Variants in RHOU observed in about 807,000 individuals in gnomAD.
The protein encoded by RHOU is rho-related GTP-binding protein RhoU.
In RHOU, 8 loss-of-function variants were observed where a neutral mutation model predicts 12.6. The observed-to-expected ratio is 0.64, with a 90% CI of 0.37 to 1.15. RHOU has a LOEUF of 1.15. Among genes scored for constraint, RHOU ranks in the 50% most tolerant of loss-of-function variants. The pLI is 0.01. For missense variants in RHOU, 258 were observed against 347.0 expected (o/e 0.74, Z 2.04); for synonymous variants, 161 against 147.4 (o/e 1.09, Z -0.67).
At chr1:228,702,782 G>A in the RHOU span, among the ~76,000 whole-genome samples, 12 of 152,124 alleles carry the variant, frequency 7.9e-5, no homozygotes, top group Admixed American at 2.6e-4. Context: ...TCACCAAATA[G>A]TATCACATAC....
the RHOU span, among the ~76,000 whole-genome samples, chr1:228,703,481 G>A: frequency 5.9e-5 from 9 of 151,588 alleles, no homozygotes; most frequent in Non-Finnish European, 8.8e-5. Flanking sequence ...AGCTGAGATC[G>A]CGCCACTGCA....
At chr1:228,731,836 G>A (rs1038395790), upstream of RHOU, among the ~76,000 whole-genome samples, 5 of 152,112 alleles carry the variant, frequency 3.3e-5, no homozygotes, top group Non-Finnish European at 7.3e-5. Flanking sequence ...AGAGAGACAA[G>A]ATCTTAAGAA....
chr1:228,736,122 C>T, intron 1 of RHOU, 118 bp downstream of exon 1: 2 of 1,036,966 alleles, frequency 1.9e-6, no homozygotes, highest in Non-Finnish European at 1.3e-6. Flanking sequence ...GGCGCGGCTC[C>T]AGCTGGGAAG....
chr1:228,652,982 G>A, the RHOU span, among the ~76,000 whole-genome samples: 134 of 152,094 alleles, frequency 8.8e-4, no homozygotes, highest in Non-Finnish European at 1.5e-3. Context: ...TATTTTTAAT[G>A]GAAATGTAAT....
chr1:228,702,143 C>T, the RHOU span, among the ~76,000 whole-genome samples: 1 of 151,978 alleles, frequency 6.6e-6, no homozygotes, highest in South Asian at 2.1e-4. Flanking sequence ...TTTTAACATA[C>T]TTGTAAAAAA....
the RHOU span, among the ~76,000 whole-genome samples, chr1:228,707,132 A>ATATATATATATATATG: frequency 8.3e-6 from 1 of 120,394 alleles, no homozygotes; most frequent in Non-Finnish European, 1.6e-5. Context: ...ATATACATAT[A>ATATATATATATATATG]TATATATATA....
At chr1:228,742,632 A>G (rs4391637) in intron 2 of RHOU, among the ~76,000 whole-genome samples, 1 of 151,756 alleles carries the variant, frequency 6.6e-6, no homozygotes, top group Admixed American at 6.6e-5. Flanking sequence ...CTGAGCTGCA[A>G]AAGTTTTCTG....
the RHOU span, among the ~76,000 whole-genome samples, chr1:228,707,124 A>ATATATATATATATATG: frequency 2.5e-5 from 2 of 78,590 alleles, no homozygotes; most frequent in African/African-American, 3.2e-4. Flanking sequence ...ATATATATAT[A>ATATATATATATATATG]TACATATATA....
chr1:228,687,489 A>G, the RHOU span: 1 of 1,580,426 alleles, frequency 6.3e-7, no homozygotes, highest in Non-Finnish European at 8.6e-7. Flanking sequence ...GAAACTGATG[A>G]AGCTGCAGAA....
At chr1:228,711,552 A>C in the RHOU span, among the ~76,000 whole-genome samples, 14 of 152,260 alleles carry the variant, frequency 9.2e-5, no homozygotes, top group African/African-American at 3.1e-4. Context: ...AAAACAAGCA[A>C]TGGGGAAAGG....
At chr1:228,714,740 C>CTTTTTTTTTTTTT in the RHOU span, among the ~76,000 whole-genome samples, 2 of 83,686 alleles carry the variant, frequency 2.4e-5, no homozygotes, top group Non-Finnish European at 4.4e-5. Context: ...TGTTAATTAT[C>CTTTTTTTTTTTTT]TTTTTTTTTT....
chr1:228,679,742 G>A, the RHOU span, among the ~76,000 whole-genome samples: 2 of 152,034 alleles, frequency 1.3e-5, no homozygotes, highest in African/African-American at 4.8e-5. Flanking sequence ...ATCGGGGTAA[G>A]GGTGATTAGG....
At chr1:228,664,947 C>T in the RHOU span, among the ~76,000 whole-genome samples, 1 of 152,114 alleles carries the variant, frequency 6.6e-6, no homozygotes, top group East Asian at 1.9e-4. Flanking sequence ...CCACCGTGCC[C>T]GGCTTGCCAA....
At chr1:228,692,906 G>A in the RHOU span, among the ~76,000 whole-genome samples, 1 of 151,912 alleles carries the variant, frequency 6.6e-6, no homozygotes, top group Non-Finnish European at 1.5e-5. Flanking sequence ...AAACTATCAA[G>A]CTCCCCAATA....
chr1:228,726,251 T>C, the RHOU span, among the ~76,000 whole-genome samples: 2 of 152,208 alleles, frequency 1.3e-5, no homozygotes, highest in Non-Finnish European at 2.9e-5. Flanking sequence ...GCTACTGTTG[T>C]TCTGTCCAGT....
chr1:228,687,178 G>A, the RHOU span, among the ~76,000 whole-genome samples: 10 of 152,114 alleles, frequency 6.6e-5, no homozygotes, highest in African/African-American at 1.4e-4. Context: ...TCACTGGCCC[G>A]CTCCACTGAC....
chr1:228,667,452 G>A, the RHOU span, among the ~76,000 whole-genome samples: 4 of 152,168 alleles, frequency 2.6e-5, no homozygotes, highest in East Asian at 7.7e-4. Context: ...AGGTGCAGAG[G>A]CATTGAATCT....
At chr1:228,725,928 A>T in the RHOU span, among the ~76,000 whole-genome samples, 1 of 152,202 alleles carries the variant, frequency 6.6e-6, no homozygotes, top group Non-Finnish European at 1.5e-5. Flanking sequence ...TGATCTTTCA[A>T]TGGAGTATGA....
At chr1:228,664,108 T>C in the RHOU span, among the ~76,000 whole-genome samples, 5 of 150,498 alleles carry the variant, frequency 3.3e-5, no homozygotes, top group African/African-American at 1.2e-4. Context: ...AGTCTTGACC[T>C]CTCGGGCTCG....
Sources: allele counts gnomAD v4.1 joint callset (sites outside exome capture counted in the v4.1 genomes callset), GRCh38; gene constraint gnomAD v4.1.1; transcripts MANE v1.5; gene names NCBI Gene and HGNC (gene_info 2026-07-23, HGNC 2026-07-21).